Variants in HTATIP2 observed in about 807,000 individuals in gnomAD.
HTATIP2 encodes HIV-1 Tat interactive protein 2.
In HTATIP2, 26 loss-of-function variants were observed where a neutral mutation model predicts 24.7. The ratio of observed to expected loss-of-function variants is 1.05; its 90% CI spans 0.77 to 1.46. HTATIP2 has a LOEUF of 1.46. Among genes scored for constraint, HTATIP2 ranks in the 40% most tolerant of loss-of-function variants. The probability of loss-of-function intolerance (pLI) is 0.00; values close to 1 mark genes in which losing one functional copy is unlikely to be tolerated. For synonymous variants in HTATIP2, 99 were observed against 113.2 expected (o/e 0.87, Z 0.79); for missense variants, 284 against 289.6 (o/e 0.98, Z 0.14).
intron 3 of HTATIP2, among the ~76,000 whole-genome samples, chr11:20,381,165 G>A (rs1252639004): frequency 3.9e-5 from 6 of 152,010 alleles, no homozygotes; most frequent in African/African-American, 7.3e-5. Context: ...ATGGCCAAGC[G>A]CGGTGGCTCT....
chr11:20,367,838 T>A (rs1156234274), intron 2 of HTATIP2, among the ~76,000 whole-genome samples: 1 of 152,214 alleles, frequency 6.6e-6, no homozygotes, highest in Non-Finnish European at 1.5e-5. Flanking sequence ...TTAACGCACA[T>A]TTTATTTTCT....
Position 20,383,237 on chromosome 11 carries a change from C to T in HTATIP2, c.*32C>T, listed in dbSNP as rs765797571. The T allele has an allele frequency of 5.6e-5, 85 of 1,508,002 alleles. No homozygotes were observed. In the South Asian group the frequency reaches 5.9e-4, roughly 11 times the overall value. 93.4% of individuals were successfully genotyped at this position (1,508,002 alleles called of 1,614,324 possible). A position where few individuals can be genotyped will look rare whatever the true frequency, so the allele number is the denominator to read the frequency against. On this transcript the variant is annotated 3_prime_UTR_variant, in exon 5 of 5. Transcript: ENST00000451739. The stretch of plus-strand genomic sequence containing the variant: ...TGGAGAAATGGTTTTTATTGTCAAC[C>T]TTAACACCCATCACCAAATCGGTAA...
chr11:20,368,705 G>T (rs1241707563), intron 2 of HTATIP2, among the ~76,000 whole-genome samples: 1 of 152,184 alleles, frequency 6.6e-6, no homozygotes, highest in South Asian at 2.1e-4. Flanking sequence ...GGCATAGAAG[G>T]GTTGATTTTC....
intron 2 of HTATIP2, 120 bp downstream of exon 2, chr11:20,367,401 T>C (rs764397668): frequency 3.8e-6 from 6 of 1,571,020 alleles, no homozygotes; most frequent in Non-Finnish European, 4.3e-6. Context: ...GCCTTTATTG[T>C]TTAAGATTCT....
At chr11:20,364,831 C>G (rs2064678017) in intron 1 of HTATIP2, among the ~76,000 whole-genome samples, 1 of 152,194 alleles carries the variant, frequency 6.6e-6, no homozygotes, top group Non-Finnish European at 1.5e-5. Flanking sequence ...GCACTTCACA[C>G]TAATATTGTC....
At chr11:20,376,233 T>G in intron 2 of HTATIP2, 1 of 227,128 alleles carries the variant, frequency 4.4e-6, no homozygotes, top group Non-Finnish European at 8.0e-6. Flanking sequence ...TGTAAAGTTG[T>G]GAAGTTATTA....
chr11:20,376,511 A>C (rs1565183861), intron 2 of HTATIP2, 69 bp from the exon 3 acceptor site: 7 of 1,570,468 alleles, frequency 4.5e-6, no homozygotes, highest in Non-Finnish European at 6.1e-6. Flanking sequence ...CTGCTACCCA[A>C]GCCAAGTAGT....
At chr11:20,380,870 C>A (rs1848509696) in intron 3 of HTATIP2, among the ~76,000 whole-genome samples, 1 of 152,094 alleles carries the variant, frequency 6.6e-6, no homozygotes, top group East Asian at 1.9e-4. Context: ...ATACATACTA[C>A]AACATGGGTG....
chr11:20,367,502 ACGT>A (rs2064724114), intron 2 of HTATIP2: 1 of 1,442,682 alleles, frequency 6.9e-7, no homozygotes, highest in Non-Finnish European at 9.1e-7. Flanking sequence ...AGTGCTGGAG[ACGT>A]CGTAAATATT....
At chr11:20,372,854 T>C (rs2064786088) in intron 2 of HTATIP2, among the ~76,000 whole-genome samples, 1 of 152,128 alleles carries the variant, frequency 6.6e-6, no homozygotes. Context: ...CAGAGAAAAT[T>C]GGTGTGTGAT....
rs1848549679 is a variant in HTATIP2 at position 20,383,236 on chromosome 11, C to A, written c.*31C>A. ...TTGGAGAAATGGTTTTTATTGTCAACCTTAACACCCATCACCAAATCGGTA... is the reference window on the plus strand; with the variant it reads ...TTGGAGAAATGGTTTTTATTGTCAAACTTAACACCCATCACCAAATCGGTA... On this transcript the variant is annotated 3_prime_UTR_variant, in exon 5 of 5. Coordinates refer to ENST00000451739, the MANE Select transcript of HTATIP2 (RefSeq NM_001098522.2). 1 of 1,508,576 alleles carries A rather than the reference C, an allele frequency of 6.6e-7. No individual in the cohort carries two copies. 93.4% of individuals were successfully genotyped at this position (1,508,576 alleles called of 1,614,324 possible).
At position 20,371,162 on chromosome 11, in the gene HTATIP2, T is replaced by C. The variant is rs1392636125; in HGVS notation, c.303+3881T>C. Among the ~76,000 whole-genome samples, 18 of 151,978 alleles carry C rather than the reference T, an allele frequency of 1.2e-4. No individual in the cohort carries two copies. In the East Asian group the frequency reaches 2.5e-3, roughly 21 times the overall value. On this transcript the variant is annotated intron_variant, in intron 2 of 4. Transcript: ENST00000451739. ...CCTGCAAAGCTAAAAATAGTTACTG[T>C]CTGATCCTTTACAGGAAAAGTTTGC... is the stretch of plus-strand genomic sequence containing the variant.
intron 1 of HTATIP2, among the ~76,000 whole-genome samples, chr11:20,365,278 C>T (rs1044365439): frequency 3.3e-5 from 5 of 152,150 alleles, no homozygotes; most frequent in African/African-American, 7.2e-5. Flanking sequence ...CGTGAGCCAC[C>T]GCGCCCAGCC....
At chr11:20,369,447 A>T (rs959648816) in intron 2 of HTATIP2, among the ~76,000 whole-genome samples, 1 of 152,076 alleles carries the variant, frequency 6.6e-6, no homozygotes, top group Non-Finnish European at 1.5e-5. Flanking sequence ...TTTCCATGTG[A>T]TGTTCAGTGT....
chr11:20,382,502 C>T (rs532351495), intron 4 of HTATIP2, among the ~76,000 whole-genome samples: 1 of 152,284 alleles, frequency 6.6e-6, no homozygotes, highest in African/African-American at 2.4e-5. Flanking sequence ...TAAAACCTTA[C>T]GTCTACTGTA....
Position 20,363,982 on chromosome 11 carries a change from G to A in HTATIP2, c.-256G>A. 1 of 1,261,466 alleles carries A rather than the reference G, an allele frequency of 7.9e-7. No homozygotes were observed. Among genetic ancestry groups the A allele is most frequent in the Non-Finnish European group, 1.0e-6 (1 of 1,002,696 alleles). The allele number at this position is 1,261,466 out of a possible 1,614,324, so 78.1% of individuals were successfully genotyped here. A position where few individuals can be genotyped will look rare whatever the true frequency, so the allele number is the denominator to read the frequency against. ...CCGGGCCGGGGATACCGTGGGGTAT[G>A]CCCAGTGATGCCAGCAGCTTGTGGC... On this transcript the variant is annotated 5_prime_UTR_variant, in exon 1 of 5. It removes an upstream start codon present in the reference 5' UTR. Coordinates refer to ENST00000451739, the MANE Select transcript of HTATIP2 (RefSeq NM_001098522.2).
Position 20,363,862 on chromosome 11 carries a change from C to A in HTATIP2, c.-376C>A, listed in dbSNP as rs771219709. 4.8e-6 allele frequency: 6 copies of A among 1,244,018 alleles called. No individual in the cohort carries two copies. The South Asian group carries it at 2.0e-4, about 41-fold the overall frequency. The allele number at this position is 1,244,018 out of a possible 1,614,324, so 77.1% of individuals were successfully genotyped here. On this transcript the variant is annotated 5_prime_UTR_variant, in exon 1 of 5. Coordinates refer to ENST00000451739, the MANE Select transcript of HTATIP2 (RefSeq NM_001098522.2). ...CGGCGGCGGCGGCTGCTCTGGCGGCCGCCCTGCTCCTGCTGCGTCGTGAGG... is the reference window on the plus strand; with the variant it reads ...CGGCGGCGGCGGCTGCTCTGGCGGCAGCCCTGCTCCTGCTGCGTCGTGAGG...
chr11:20,380,954 G>A (rs115835625), intron 3 of HTATIP2, among the ~76,000 whole-genome samples: 4,323 of 152,258 alleles, frequency 0.028, 205 homozygotes, highest in African/African-American at 0.097. Flanking sequence ...TCATTTATAT[G>A]AAATGTCCAG....
chr11:20,383,449 T>C lies in HTATIP2; in HGVS notation c.*244T>C, dbSNP rs1194200630. ...CCCTATCTCAAACTTGAATCAAAAT[T>C]TCTGGGGTGTGGGCACAATAATCTG... On this transcript the variant is annotated 3_prime_UTR_variant, in exon 5 of 5. Coordinates refer to ENST00000451739, the MANE Select transcript of HTATIP2 (RefSeq NM_001098522.2). 6.9e-5 allele frequency: 34 copies of C among 492,074 alleles called. No homozygotes were observed. The East Asian group carries it at 1.1e-3, about 17-fold the overall frequency. The allele number at this position is 492,074 out of a possible 1,614,324, so 30.5% of individuals were successfully genotyped here. A position where few individuals can be genotyped will look rare whatever the true frequency, so the allele number is the denominator to read the frequency against.
Sources: gnomAD v4.1 joint callset for allele counts (sites outside exome capture counted in the v4.1 genomes callset) on GRCh38, gnomAD v4.1.1 for gene constraint, MANE v1.5 for transcripts, NCBI Gene and HGNC (gene_info 2026-07-23, HGNC 2026-07-21) for gene names.